Variants in OTUD7B observed in about 807,000 individuals in gnomAD.
OTUD7B encodes OTU domain-containing protein 7B.
In OTUD7B, 34 loss-of-function variants were observed where a neutral mutation model predicts 82.2. The observed-to-expected ratio is 0.41, with a 90% CI of 0.31 to 0.55. The LOEUF is 0.55. Ranked by LOEUF, OTUD7B falls within the 20% of genes least tolerant of loss-of-function variation. The pLI is 0.20. For synonymous variants in OTUD7B, 398 were observed against 402.7 expected (o/e 0.99, Z 0.14); for missense variants, 944 against 1,062.1 (o/e 0.89, Z 1.55).
intron 6 of OTUD7B, chr1:149,961,515 C>G (rs1403967919): frequency 3.9e-5 from 6 of 152,228 alleles, no homozygotes; most frequent in Admixed American, 3.9e-4. Context: ...CACCACCATG[C>G]CTGGCTAGTT....
chr1:150,061,520 G>A, the OTUD7B span, among the ~76,000 whole-genome samples: 2 of 152,046 alleles, frequency 1.3e-5, no homozygotes, highest in Admixed American at 6.5e-5. Flanking sequence ...ATTCTCATAC[G>A]TGTCTCACAT....
intron 1 of OTUD7B, among the ~76,000 whole-genome samples, chr1:149,992,462 C>CTTTTTTTT (rs2101902944): frequency 9.3e-6 from 1 of 107,754 alleles, no homozygotes; most frequent in South Asian, 3.3e-4. Flanking sequence ...GTTTTGTGTG[C>CTTTTTTTT]ATGTGTTTTT....
At chr1:149,970,345 G>A (rs1243692459) in intron 3 of OTUD7B, among the ~76,000 whole-genome samples, 3 of 141,712 alleles carry the variant, frequency 2.1e-5, no homozygotes, top group East Asian at 2.0e-4. Flanking sequence ...TGTAGACAGA[G>A]TCTCACTGTG....
chr1:150,027,629 A>T, the OTUD7B span, among the ~76,000 whole-genome samples: 3 of 152,284 alleles, frequency 2.0e-5, no homozygotes, highest in South Asian at 6.2e-4. Context: ...AATGGCACAA[A>T]AGCAGAAGTG....
At chr1:149,995,508 G>A (rs1377818998) in intron 1 of OTUD7B, among the ~76,000 whole-genome samples, 6 of 152,060 alleles carry the variant, frequency 3.9e-5, no homozygotes, top group Admixed American at 2.6e-4. Flanking sequence ...GAACCTGGGA[G>A]GCAGGGGTTG....
At chr1:150,041,515 G>A in the OTUD7B span, among the ~76,000 whole-genome samples, 1 of 152,044 alleles carries the variant, frequency 6.6e-6, no homozygotes, top group Non-Finnish European at 1.5e-5. Context: ...TGTATTTTTA[G>A]TAGAGATGGG....
At chr1:149,948,584 C>T (rs1164798950) in intron 10 of OTUD7B, among the ~76,000 whole-genome samples, 1 of 151,760 alleles carries the variant, frequency 6.6e-6, no homozygotes, top group Non-Finnish European at 1.5e-5. Flanking sequence ...ATTGGCCAGG[C>T]TTGTCTCGAA....
At chr1:150,016,891 G>A in the OTUD7B span, among the ~76,000 whole-genome samples, 1 of 152,170 alleles carries the variant, frequency 6.6e-6, no homozygotes, top group African/African-American at 2.4e-5. Context: ...GCTAACTCCA[G>A]CAAACCACCA....
chr1:150,067,032 C>G, the OTUD7B span: 1 of 152,214 alleles, frequency 6.6e-6, no homozygotes, highest in South Asian at 2.1e-4. Context: ...AGCGCCGAGG[C>G]GGGGGCGGGG....
chr1:149,958,928 T>C (rs1648928855), intron 7 of OTUD7B, among the ~76,000 whole-genome samples: 1 of 149,712 alleles, frequency 6.7e-6, no homozygotes, highest in African/African-American at 2.5e-5. Flanking sequence ...TTTTTTAAGA[T>C]GTGGTCTCAC....
At chr1:150,058,915 A>C in the OTUD7B span, among the ~76,000 whole-genome samples, 2 of 152,104 alleles carry the variant, frequency 1.3e-5, no homozygotes, top group African/African-American at 4.8e-5. Context: ...TTTTACAATA[A>C]ATTTCTTATT....
At chr1:149,969,124 G>A (rs587721266) in intron 3 of OTUD7B, among the ~76,000 whole-genome samples, 2 of 152,234 alleles carry the variant, frequency 1.3e-5, no homozygotes, top group South Asian at 2.1e-4. Flanking sequence ...AGGAATTCGA[G>A]ACCACCTGGG....
chr1:150,043,649 G>C, the OTUD7B span, among the ~76,000 whole-genome samples: 1 of 152,060 alleles, frequency 6.6e-6, no homozygotes, highest in Non-Finnish European at 1.5e-5. Flanking sequence ...CAAACTAGTT[G>C]ATCACTACAT....
At chr1:149,963,422 AG>A (rs1302382921) in intron 6 of OTUD7B, 4 of 152,274 alleles carry the variant, frequency 2.6e-5, no homozygotes, top group Non-Finnish European at 5.9e-5. Flanking sequence ...AGGGCCAGGT[AG>A]TCAGTAAGTA....
Position 149,945,016 on chromosome 1 carries a change from G to T in OTUD7B, c.1373C>A (p.Pro458His). 1.2e-6 allele frequency: 2 copies of T among 1,614,116 alleles called. No individual in the cohort carries two copies. Among genetic ancestry groups the T allele is most frequent in the Non-Finnish European group, 1.7e-6 (2 of 1,180,018 alleles). ...ESPTASAGDE[P>H]RSTPESGDSD... ...GTCTCCAGACTCAGGAGTGGACCGGGGCTCATCTCCAGCTGAGGCGGTGGG... is the reference window on the plus strand; with the variant it reads ...GTCTCCAGACTCAGGAGTGGACCGGTGCTCATCTCCAGCTGAGGCGGTGGG... The change falls in exon 12 of 12, where the codon CCC becomes CAC. Residue 458 changes from proline to histidine, a missense_variant. Physicochemically the swap from Pro to His is moderately conservative, Grantham distance 77 (BLOSUM62 -2). Coordinates refer to ENST00000581312, the MANE Select transcript of OTUD7B (RefSeq NM_020205.4).
At chr1:149,965,936 C>T (rs991753378) in intron 4 of OTUD7B, 58 bp from the exon 5 acceptor site, 14 of 1,434,304 alleles carry the variant, frequency 9.8e-6, no homozygotes, top group Non-Finnish European at 1.3e-5. Context: ...TTCCACCTTC[C>T]TATTTCTGAA....
At chr1:150,030,421 TTCCCCGTTATTGTTCATAGTTTTA>T in the OTUD7B span, among the ~76,000 whole-genome samples, 1 of 152,256 alleles carries the variant, frequency 6.6e-6, no homozygotes, top group East Asian at 1.9e-4. Context: ...AAGGTTAACA[TTCCCCGTTATTGTTCATAGTTTTA>T]TCCCCTTCTG....
chr1:150,053,944 G>A, the OTUD7B span: 4 of 438,930 alleles, frequency 9.1e-6, no homozygotes, highest in Non-Finnish European at 1.5e-5. Context: ...GTGGCAAGGT[G>A]AAAAAGGGTA....
chr1:149,954,360 C>T (rs993184322), intron 7 of OTUD7B, among the ~76,000 whole-genome samples: 6 of 151,990 alleles, frequency 3.9e-5, no homozygotes, highest in Admixed American at 2.0e-4. Context: ...TATTGATTTA[C>T]GTATGTTGAA....
Sources: gnomAD v4.1 joint callset for allele counts (sites outside exome capture counted in the v4.1 genomes callset) on GRCh38, gnomAD v4.1.1 for gene constraint, MANE v1.5 for transcripts, NCBI Gene and HGNC (gene_info 2026-07-23, HGNC 2026-07-21) for gene names.